FRMPD4: variants seen among roughly 807,000 people sequenced by gnomAD.
FRMPD4 encodes FERM and PDZ domain containing 4.
FRMPD4 carries 22 observed loss-of-function variants against 94.1 expected under a neutral mutation model. That is an observed-to-expected ratio of 0.23 (90% confidence interval 0.17 to 0.33). The LOEUF is 0.33. Among genes scored for constraint, FRMPD4 ranks in the 10% least tolerant of loss-of-function variants. The pLI is 1.00. For missense variants in FRMPD4, 1,111 were observed against 1,339.9 expected, an observed-to-expected ratio of 0.83 and a Z score of 2.67; for synonymous variants, 631 against 548.6, an observed-to-expected ratio of 1.15 and a Z score of -2.10.
intron 9 of FRMPD4, among the ~76,000 whole-genome samples, chrX:12,699,497 G>A (rs548610510): frequency 1.8e-5 from 2 of 112,735 alleles, no homozygotes; most frequent in East Asian, 2.8e-4. Context: ...GAGCGTGCAC[G>A]CACGGCACAG....
chrX:12,670,086 C>G (rs1262682214), intron 4 of FRMPD4, among the ~76,000 whole-genome samples: 1 of 111,931 alleles, frequency 8.9e-6, no homozygotes. Context: ...CCAGAGTGAA[C>G]AAATAAATTC....
chrX:12,583,506 A>T, intron 2 of FRMPD4: 1 of 1,133,960 alleles, frequency 8.8e-7, no homozygotes, highest in Non-Finnish European at 1.2e-6. Flanking sequence ...GAATATTTCT[A>T]CGTGCCGGGA....
intron 1 of FRMPD4, among the ~76,000 whole-genome samples, chrX:12,449,294 C>T (rs1475709634): frequency 8.9e-6 from 1 of 112,233 alleles, no homozygotes; most frequent in Non-Finnish European, 1.9e-5. Flanking sequence ...TTTTGATCCT[C>T]ACTGTCCTTG....
At chrX:12,369,350 G>A (rs776570484) in intron 1 of FRMPD4, among the ~76,000 whole-genome samples, 3 of 110,143 alleles carry the variant, frequency 2.7e-5, no homozygotes, top group South Asian at 4.0e-4. Flanking sequence ...GTGTTAGAGC[G>A]TGGGTTATAT....
chrX:12,219,097 C>T (rs774792801), intron 1 of FRMPD4, among the ~76,000 whole-genome samples: 30 of 111,806 alleles, frequency 2.7e-4, no homozygotes, highest in Non-Finnish European at 4.9e-4. Context: ...GGCTGGGCAC[C>T]GTGGCTCAGG....
chrX:12,404,427 A>C (rs930814361), intron 1 of FRMPD4, among the ~76,000 whole-genome samples: 7 of 112,381 alleles, frequency 6.2e-5, no homozygotes, highest in Admixed American at 1.9e-4. Context: ...TGAAGAAGTC[A>C]TGTCTTGTAG....
At chrX:12,046,073 G>T (rs1435981729) in intron 3 of FRMPD4, among the ~76,000 whole-genome samples, 1 of 111,081 alleles carries the variant, frequency 9.0e-6, no homozygotes, top group African/African-American at 3.3e-5. Flanking sequence ...GATAAAGTAA[G>T]AATATAATCT....
At chrX:12,130,102 A>AAGAGAGAGAG (rs10533802) in intron 3 of FRMPD4, among the ~76,000 whole-genome samples, 1,848 of 92,636 alleles carry the variant, frequency 0.02, 109 homozygotes, top group East Asian at 0.15. Flanking sequence ...GAGCCAGCGG[A>AAGAGAGAGAG]AGAGAGAGAG....
chrX:12,119,091 C>T (rs1320398896), intron 3 of FRMPD4, among the ~76,000 whole-genome samples: 1 of 110,629 alleles, frequency 9.0e-6, no homozygotes, highest in East Asian at 2.8e-4. Flanking sequence ...TACCTTAGGC[C>T]AAGTGTTCAT....
At chrX:12,130,179 A>G (rs1328668750) in intron 3 of FRMPD4, among the ~76,000 whole-genome samples, 9 of 110,882 alleles carry the variant, frequency 8.1e-5, no homozygotes, top group Non-Finnish European at 1.7e-4. Flanking sequence ...TAATTGTCTC[A>G]TAAAATGAAA....
At chrX:12,196,700 A>C (rs1167323541) in intron 1 of FRMPD4, among the ~76,000 whole-genome samples, 1 of 108,764 alleles carries the variant, frequency 9.2e-6, no homozygotes, top group Non-Finnish European at 1.9e-5. Flanking sequence ...TGTGTATATA[A>C]AGTTGAAATA....
At chrX:12,585,163 G>A (rs923326721) in intron 2 of FRMPD4, among the ~76,000 whole-genome samples, 4 of 110,296 alleles carry the variant, frequency 3.6e-5, no homozygotes, top group Admixed American at 1.9e-4. Flanking sequence ...AGTGATCTGC[G>A]CACTTCGGCC....
chrX:12,503,971 A>C (rs889690167), intron 2 of FRMPD4, among the ~76,000 whole-genome samples: 41 of 112,039 alleles, frequency 3.7e-4, no homozygotes, highest in African/African-American at 1.3e-3. Context: ...TTAAGGTGTA[A>C]AGTTGGGATG....
chrX:12,002,257 A>G (rs1471706264), intron 3 of FRMPD4, among the ~76,000 whole-genome samples: 2 of 111,734 alleles, frequency 1.8e-5, no homozygotes, highest in Non-Finnish European at 3.8e-5. Context: ...CACAGCTCAA[A>G]TGATATATAG....
Position 12,656,651 on chromosome X carries a change from G to A in FRMPD4, c.423-18212G>A, listed in dbSNP as rs182808219. Among the ~76,000 whole-genome samples, 6 of 112,453 alleles carry A rather than the reference G, an allele frequency of 5.3e-5. 1 individual carries two copies. The highest frequency in any genetic ancestry group is 3.8e-4 in the Admixed American group (4 of 10,653). Reference sequence around the variant, plus strand: ...GTATTCATATAATGTTGCAAATGAGGTCATACTGTTCTATGGTATTAAAAA... The same window carrying A: ...GTATTCATATAATGTTGCAAATGAGATCATACTGTTCTATGGTATTAAAAA... On this transcript the variant is annotated intron_variant, in intron 4 of 16. Transcript: ENST00000675598.
intron 1 of FRMPD4, among the ~76,000 whole-genome samples, chrX:12,372,828 A>G (rs1365758844): frequency 8.9e-6 from 1 of 112,031 alleles, no homozygotes; most frequent in Non-Finnish European, 1.9e-5. Context: ...TCCTCAGAGG[A>G]GAGTGAGCTC....
At chrX:12,369,608 A>G (rs2056134196) in intron 1 of FRMPD4, among the ~76,000 whole-genome samples, 1 of 112,769 alleles carries the variant, frequency 8.9e-6, no homozygotes, top group Non-Finnish European at 1.9e-5. Flanking sequence ...CATTCTGGGA[A>G]GACTTCATGG....
At chrX:12,373,616 A>G (rs953562090) in intron 1 of FRMPD4, among the ~76,000 whole-genome samples, 3 of 112,179 alleles carry the variant, frequency 2.7e-5, no homozygotes, top group African/African-American at 9.7e-5. Flanking sequence ...CAATCTGACA[A>G]TAGAATAATA....
chrX:12,679,154 G>A (rs2059936195), intron 5 of FRMPD4, among the ~76,000 whole-genome samples: 1 of 111,991 alleles, frequency 8.9e-6, no homozygotes, highest in South Asian at 3.7e-4. Flanking sequence ...CTTTGCCTGT[G>A]GGCTCTTCCT....
Sources: gnomAD v4.1 joint callset for allele counts (sites outside exome capture counted in the v4.1 genomes callset) on GRCh38, gnomAD v4.1.1 for gene constraint, MANE v1.5 for transcripts, NCBI Gene and HGNC (gene_info 2026-07-23, HGNC 2026-07-21) for gene names.